The following SPRY3 variants were observed in gnomAD, a reference collection of about 807,000 sequenced individuals.
The protein encoded by SPRY3 is sprouty RTK signaling antagonist 3, also known as protein sprouty homolog 3.
In SPRY3, 15 loss-of-function variants were observed where a neutral mutation model predicts 20.2. The ratio of observed to expected loss-of-function variants is 0.74; its 90% confidence interval spans 0.50 to 1.14. SPRY3 has a LOEUF of 1.14. Ranked by LOEUF, SPRY3 falls within the 50% of genes most tolerant of loss-of-function variation. The pLI, the probability that SPRY3 is intolerant of heterozygous loss-of-function variation, is 0.00. For synonymous variants in SPRY3, 143 were observed against 136.5 expected (o/e 1.05, Z -0.33); for missense variants, 364 against 363.9 (o/e 1.00, Z 0.00).
chrX:155,612,634 C>T (rs1223065815), exon 1 of SPRY3: 1 of 112,808 alleles, frequency 8.9e-6, no homozygotes, highest in Non-Finnish European at 1.9e-5. Context: ...GCCTTCCTCT[C>T]CGCCAGGGTT....
chrX:155,747,914 G>C (rs2091237173), intron 2 of SPRY3, among the ~76,000 whole-genome samples: 1 of 151,808 alleles, frequency 6.6e-6, no homozygotes, highest in Non-Finnish European at 1.5e-5. Context: ...GCAGCAATGT[G>C]AAATGCTCTA....
intron 2 of SPRY3, among the ~76,000 whole-genome samples, chrX:155,763,115 C>CA (rs61499113): frequency 7.2e-4 from 108 of 150,850 alleles, no homozygotes; most frequent in Middle Eastern, 3.4e-3. Context: ...ACAGGAACAA[C>CA]AAAAAAAAAC....
chrX:155,752,547 G>A (rs1344620866), intron 2 of SPRY3, among the ~76,000 whole-genome samples: 1 of 151,422 alleles, frequency 6.6e-6, no homozygotes, highest in African/African-American at 2.4e-5. Flanking sequence ...ATATTTAAAT[G>A]TATCTATTAA....
chrX:155,717,464 A>G lies in SPRY3; in HGVS notation c.-281-50498A>G, dbSNP rs914310562. Among the ~76,000 whole-genome samples, 5 of 152,192 alleles carry G rather than the reference A, an allele frequency of 3.3e-5. No homozygotes were observed. In the East Asian group the frequency reaches 9.7e-4, roughly 30 times the overall value. On this transcript the variant is annotated intron_variant, in intron 2 of 3. Coordinates refer to ENST00000675360, the Ensembl canonical transcript of SPRY3. ...GCAGGTTTGTTACATAGGTATACAC[A>G]TGCCATGGTGGTTTGCTGCACCCAT...
exon 4 of SPRY3, chrX:155,774,524 G>T: frequency 6.2e-7 from 1 of 1,613,976 alleles, no homozygotes; most frequent in Non-Finnish European, 8.5e-7. Flanking sequence ...CCTAGTTCTT[G>T]CTTTGTCCGC....
intron 2 of SPRY3, among the ~76,000 whole-genome samples, chrX:155,681,674 A>T (rs1163256246): frequency 8.9e-6 from 1 of 112,431 alleles, no homozygotes; most frequent in Non-Finnish European, 1.9e-5. Context: ...AAGTGAGGTA[A>T]CCTTATATTA....
intron 1 of SPRY3, among the ~76,000 whole-genome samples, chrX:155,614,058 T>A (rs912186814): frequency 2.7e-5 from 3 of 111,866 alleles, no homozygotes; most frequent in Admixed American, 9.5e-5. Context: ...AGAGTGTGAA[T>A]GTAACATAAA....
intron 2 of SPRY3, among the ~76,000 whole-genome samples, chrX:155,705,562 A>G (rs1211116117): frequency 6.6e-6 from 1 of 151,404 alleles, no homozygotes; most frequent in East Asian, 1.9e-4. Flanking sequence ...ATTTAAAGGC[A>G]GTATCAGATT....
intron 2 of SPRY3, among the ~76,000 whole-genome samples, chrX:155,673,250 T>TA (rs1196366881): frequency 2.8e-3 from 294 of 103,749 alleles, no homozygotes; most frequent in African/African-American, 4.2e-3. Context: ...TATAACATGT[T>TA]AAAAAAAAAA....
At chrX:155,767,216 C>A (rs1435385165) in intron 2 of SPRY3, among the ~76,000 whole-genome samples, 1 of 151,760 alleles carries the variant, frequency 6.6e-6, no homozygotes, top group African/African-American at 2.4e-5. Context: ...GGAAAGCCAA[C>A]GACACGCGGG....
chrX:155,771,988 C>T (rs1442948903), intron 3 of SPRY3, among the ~76,000 whole-genome samples: 3 of 152,108 alleles, frequency 2.0e-5, no homozygotes, highest in African/African-American at 7.2e-5. Context: ...CATCACATAT[C>T]CTTCAGTTTC....
intron 2 of SPRY3, chrX:155,669,653 A>G (rs2068034380): frequency 8.9e-6 from 1 of 111,824 alleles, no homozygotes; most frequent in African/African-American, 3.2e-5. Flanking sequence ...AATGTAATTT[A>G]TTGTATTAAC....
chrX:155,642,222 T>C (rs1236693966), intron 1 of SPRY3, among the ~76,000 whole-genome samples: 2 of 111,945 alleles, frequency 1.8e-5, no homozygotes, highest in African/African-American at 6.5e-5. Context: ...TCTTAGTAGG[T>C]TGTATATGTC....
chrX:155,662,892 A>C (rs1042999235), intron 2 of SPRY3, among the ~76,000 whole-genome samples: 3 of 111,455 alleles, frequency 2.7e-5, no homozygotes, highest in African/African-American at 9.8e-5. Flanking sequence ...AGAAATGTTC[A>C]GTTCTGAAAA....
intron 2 of SPRY3, among the ~76,000 whole-genome samples, chrX:155,756,852 G>A (rs1425981379): frequency 1.3e-5 from 2 of 151,604 alleles, no homozygotes. Flanking sequence ...GCCTTTCACT[G>A]AATGAGAAAA....
intron 2 of SPRY3, among the ~76,000 whole-genome samples, chrX:155,713,892 T>C (rs1343633496): frequency 6.6e-6 from 1 of 152,164 alleles, no homozygotes; most frequent in East Asian, 1.9e-4. Context: ...TATTCTTTTT[T>C]ATTTTGTCTC....
intron 2 of SPRY3, among the ~76,000 whole-genome samples, chrX:155,753,137 C>A (rs2091270609): frequency 1.3e-5 from 2 of 151,822 alleles, no homozygotes; most frequent in South Asian, 4.2e-4. Context: ...ATGTAATGTG[C>A]ACAATTTAAT....
At chrX:155,750,275 G>C (rs1417454700) in intron 2 of SPRY3, among the ~76,000 whole-genome samples, 2 of 151,792 alleles carry the variant, frequency 1.3e-5, no homozygotes, top group South Asian at 2.1e-4. Context: ...CTGGAGACTA[G>C]TGCGGGGGGA....
chrX:155,759,429 C>G (rs2091295758), intron 2 of SPRY3, among the ~76,000 whole-genome samples: 1 of 152,094 alleles, frequency 6.6e-6, no homozygotes, highest in Admixed American at 6.6e-5. Context: ...ACATGTCACC[C>G]TTTGTTACAT....
Sources: allele counts gnomAD v4.1 joint callset (sites outside exome capture counted in the v4.1 genomes callset), GRCh38; gene constraint gnomAD v4.1.1; transcripts MANE v1.5; gene names NCBI Gene and HGNC (gene_info 2026-07-23, HGNC 2026-07-21).